The following HIBADH variants were observed in gnomAD, a reference collection of about 807,000 sequenced individuals.
HIBADH encodes 3-hydroxyisobutyrate dehydrogenase.
A neutral mutation model predicts 36.1 loss-of-function variants in HIBADH; 25 were observed. The ratio of observed to expected loss-of-function variants is 0.69; its 90% CI spans 0.50 to 0.97. The LOEUF is 0.97. HIBADH is among the 50% of genes least tolerant of loss of function. The probability of loss-of-function intolerance (pLI) is 0.00; values close to 1 mark genes in which losing one functional copy is unlikely to be tolerated. For synonymous variants in HIBADH, 160 were observed against 149.5 expected (o/e 1.07, Z -0.51); for missense variants, 421 against 418.0 (o/e 1.01, Z -0.06).
intron 4 of HIBADH, among the ~76,000 whole-genome samples, chr7:27,577,193 C>A (rs1053665117): frequency 1.1e-4 from 14 of 121,820 alleles, no homozygotes; most frequent in African/African-American, 4.6e-4. Flanking sequence ...GATGGAGTTT[C>A]GCTCTTGTTG....
intron 6 of HIBADH, among the ~76,000 whole-genome samples, chr7:27,532,345 C>G (rs1203611870): frequency 6.6e-6 from 1 of 152,104 alleles, no homozygotes; most frequent in African/African-American, 2.4e-5. Context: ...TAAAACCAAC[C>G]TCTTCCAGAA....
chr7:27,571,347 C>A (rs1023181579), intron 4 of HIBADH, among the ~76,000 whole-genome samples: 2 of 152,130 alleles, frequency 1.3e-5, no homozygotes, highest in Non-Finnish European at 2.9e-5. Flanking sequence ...CTCAGACTCC[C>A]GAGTAGCTGG....
intron 4 of HIBADH, among the ~76,000 whole-genome samples, chr7:27,575,711 A>T (rs950143783): frequency 1.3e-5 from 2 of 152,236 alleles, no homozygotes; most frequent in South Asian, 2.1e-4. Flanking sequence ...TTTCAAAAAA[A>T]GGAAACACAT....
intron 1 of HIBADH, 126 bp from the exon 2 acceptor site, chr7:27,649,759 G>A: frequency 2.5e-6 from 2 of 806,304 alleles, no homozygotes; most frequent in Non-Finnish European, 3.7e-6. Context: ...GGAACCAGGT[G>A]CAGTGGTGCA....
chr7:27,549,624 T>A lies in HIBADH; in HGVS notation c.485-6524A>T, dbSNP rs752777875. ...GAACAGTAAATGAAGTAATGAACAA[T>A]GTTTTCACATTTTTGCATCAAAAAT... On this transcript the variant is annotated intron_variant, in intron 4 of 7. Coordinates refer to ENST00000265395, the MANE Select transcript of HIBADH (RefSeq NM_152740.4). Among the ~76,000 whole-genome samples the A allele has an allele frequency of 4.6e-5, 7 of 152,210 alleles. No homozygotes were observed. In the South Asian group the frequency reaches 6.2e-4, roughly 13 times the overall value.
intron 5 of HIBADH, among the ~76,000 whole-genome samples, chr7:27,542,582 G>C (rs1192318795): frequency 6.6e-6 from 1 of 150,924 alleles, no homozygotes; most frequent in Non-Finnish European, 1.5e-5. Flanking sequence ...CTCCTAAGTA[G>C]CTGTGACTAT....
chr7:27,571,524 T>C (rs1053169250), intron 4 of HIBADH, among the ~76,000 whole-genome samples: 1 of 152,168 alleles, frequency 6.6e-6, no homozygotes, highest in Admixed American at 6.6e-5. Context: ...TGCTCCAGGC[T>C]ATCTTTTATT....
At chr7:27,566,768 T>C (rs531742233) in intron 4 of HIBADH, among the ~76,000 whole-genome samples, 3 of 152,288 alleles carry the variant, frequency 2.0e-5, no homozygotes, top group African/African-American at 4.8e-5. Context: ...TATTTTCTAA[T>C]ATCCCTTGAC....
chr7:27,592,951 A>G (rs1304854158), intron 4 of HIBADH, among the ~76,000 whole-genome samples: 2 of 152,210 alleles, frequency 1.3e-5, no homozygotes, highest in Non-Finnish European at 2.9e-5. Context: ...CCAGGTGCTC[A>G]GCATGCTCTT....
intron 4 of HIBADH, among the ~76,000 whole-genome samples, chr7:27,586,751 C>G (rs1195072130): frequency 1.3e-5 from 2 of 152,274 alleles, no homozygotes; most frequent in Middle Eastern, 6.8e-3. Context: ...GTGGTTCCAA[C>G]AGTGACCACC....
chr7:27,527,359 AAGAC>A (rs1783918562), intron 7 of HIBADH, among the ~76,000 whole-genome samples: 1 of 152,234 alleles, frequency 6.6e-6, no homozygotes, highest in Non-Finnish European at 1.5e-5. Flanking sequence ...ATCAGGCTGA[AAGAC>A]AAGATCAGTT....
At chr7:27,546,159 G>A (rs187604520) in intron 4 of HIBADH, among the ~76,000 whole-genome samples, 2 of 152,252 alleles carry the variant, frequency 1.3e-5, no homozygotes, top group African/African-American at 4.8e-5. Flanking sequence ...CCTGGCTGGA[G>A]TGTGATGATC....
intron 2 of HIBADH, among the ~76,000 whole-genome samples, chr7:27,645,324 T>TA (rs1423436138): frequency 6.6e-6 from 1 of 150,582 alleles, no homozygotes; most frequent in Non-Finnish European, 1.5e-5. Context: ...CATTGTTATC[T>TA]AACTTTTTAA....
chr7:27,546,694 C>A (rs1784239213), intron 4 of HIBADH, among the ~76,000 whole-genome samples: 3 of 152,172 alleles, frequency 2.0e-5, no homozygotes, highest in Admixed American at 6.5e-5. Context: ...ATGGGAAAGA[C>A]AAGAAATCTG....
chr7:27,643,961 A>T (rs1188479817), intron 2 of HIBADH, among the ~76,000 whole-genome samples: 1 of 152,168 alleles, frequency 6.6e-6, no homozygotes, highest in Non-Finnish European at 1.5e-5. Flanking sequence ...ATCCACGATG[A>T]TCTCATCTTA....
At chr7:27,539,692 C>T (rs1048412142) in intron 5 of HIBADH, among the ~76,000 whole-genome samples, 1 of 152,136 alleles carries the variant, frequency 6.6e-6, no homozygotes, top group African/African-American at 2.4e-5. Context: ...GGGGTGCCAA[C>T]CCCCAGTGCA....
intron 7 of HIBADH, 128 bp downstream of exon 7, chr7:27,531,064 G>T: frequency 1.1e-6 from 1 of 871,488 alleles, no homozygotes; most frequent in Non-Finnish European, 1.8e-6. Flanking sequence ...CATTTTCAGT[G>T]AGAGTGAATA....
chr7:27,644,553 T>C (rs536623415), intron 2 of HIBADH, among the ~76,000 whole-genome samples: 142 of 148,560 alleles, frequency 9.6e-4, no homozygotes, highest in African/African-American at 3.4e-3. Context: ...TGAGCCAAGA[T>C]TGCGCCACTG....
chr7:27,531,606 A>T (rs1784002692), intron 6 of HIBADH, among the ~76,000 whole-genome samples: 1 of 152,220 alleles, frequency 6.6e-6, no homozygotes, highest in Non-Finnish European at 1.5e-5. Flanking sequence ...TATTAAGAAA[A>T]AATAATATAC....
Sources: gnomAD v4.1 joint callset for allele counts (sites outside exome capture counted in the v4.1 genomes callset) on GRCh38, gnomAD v4.1.1 for gene constraint, MANE v1.5 for transcripts, NCBI Gene and HGNC (gene_info 2026-07-23, HGNC 2026-07-21) for gene names.